TMCC1: variants seen among roughly 807,000 people sequenced by gnomAD.
TMCC1 encodes transmembrane and coiled-coil domain family 1.
TMCC1 carries 15 observed loss-of-function variants against 52.4 expected under a neutral mutation model. The ratio of observed to expected loss-of-function variants is 0.29; its 90% CI spans 0.19 to 0.44. The LOEUF is 0.44. Among genes scored for constraint, TMCC1 ranks in the 20% least tolerant of loss-of-function variants. The pLI is 1.00. For missense variants in TMCC1, 503 were observed against 806.0 expected, an observed-to-expected ratio of 0.62 and a Z score of 4.55; for synonymous variants, 279 against 301.9, an observed-to-expected ratio of 0.92 and a Z score of 0.79.
At chr3:129,757,290 T>A (rs1576708969) in intron 4 of TMCC1, among the ~76,000 whole-genome samples, 1 of 152,046 alleles carries the variant, frequency 6.6e-6, no homozygotes, top group African/African-American at 2.4e-5. Flanking sequence ...TCTCTCTTAC[T>A]CCCCTATCCT....
At chr3:129,815,117 C>A (rs1486943889) in intron 4 of TMCC1, among the ~76,000 whole-genome samples, 1 of 151,950 alleles carries the variant, frequency 6.6e-6, no homozygotes, top group Non-Finnish European at 1.5e-5. Flanking sequence ...CTTTTCATCA[C>A]CACAAGGGAA....
chr3:129,883,329 T>C (rs2061550649), intron 1 of TMCC1, among the ~76,000 whole-genome samples: 1 of 150,748 alleles, frequency 6.6e-6, no homozygotes, highest in African/African-American at 2.4e-5. Context: ...AAGGTTAAAA[T>C]GGGCCGGGTG....
chr3:129,756,338 A>G (rs568224350), intron 4 of TMCC1, among the ~76,000 whole-genome samples: 3 of 152,332 alleles, frequency 2.0e-5, no homozygotes, highest in Non-Finnish European at 4.4e-5. Flanking sequence ...TTACATTCAT[A>G]CAATGGAATA....
chr3:129,829,125 C>A (rs1402874725), intron 3 of TMCC1, among the ~76,000 whole-genome samples: 1 of 152,168 alleles, frequency 6.6e-6, no homozygotes, highest in South Asian at 2.1e-4. Context: ...AAGTTGAATT[C>A]TCTGCTGAAG....
chr3:129,696,991 T>C (rs1265805021), intron 4 of TMCC1, among the ~76,000 whole-genome samples: 1 of 152,180 alleles, frequency 6.6e-6, no homozygotes, highest in Admixed American at 6.5e-5. Context: ...TCTGCAGCTT[T>C]TCCAGGTGCA....
At chr3:129,811,587 G>C (rs908027978) in intron 4 of TMCC1, among the ~76,000 whole-genome samples, 2 of 152,126 alleles carry the variant, frequency 1.3e-5, no homozygotes, top group African/African-American at 4.8e-5. Context: ...AAGTGATCCT[G>C]AGATGGGAAT....
chr3:129,877,432 T>G (rs1485919640), intron 2 of TMCC1, among the ~76,000 whole-genome samples: 2 of 152,130 alleles, frequency 1.3e-5, no homozygotes, highest in African/African-American at 4.8e-5. Flanking sequence ...CTTCCCCAAC[T>G]CTAAACTCTG....
At chr3:129,776,833 C>T (rs1282346712) in intron 4 of TMCC1, among the ~76,000 whole-genome samples, 1 of 152,110 alleles carries the variant, frequency 6.6e-6, no homozygotes, top group East Asian at 1.9e-4. Context: ...TGGGTTCTCA[C>T]TATATTGCCC....
intron 4 of TMCC1, among the ~76,000 whole-genome samples, chr3:129,674,986 C>T (rs923191564): frequency 5.9e-5 from 9 of 152,116 alleles, no homozygotes; most frequent in Non-Finnish European, 8.8e-5. Context: ...TACAGGCGCA[C>T]GCCACCACAC....
chr3:129,781,565 A>G (rs555441892), intron 4 of TMCC1, among the ~76,000 whole-genome samples: 2 of 152,240 alleles, frequency 1.3e-5, no homozygotes, highest in South Asian at 4.1e-4. Flanking sequence ...TGTCTTCCCA[A>G]CTAGAATTTA....
At chr3:129,702,577 T>G (rs1393720150) in intron 4 of TMCC1, among the ~76,000 whole-genome samples, 2 of 152,218 alleles carry the variant, frequency 1.3e-5, no homozygotes, top group Non-Finnish European at 2.9e-5. Flanking sequence ...ATGCCATGAA[T>G]GTCAGAGGTA....
chr3:129,679,010 A>C (rs1452787532), intron 4 of TMCC1, among the ~76,000 whole-genome samples: 2 of 139,484 alleles, frequency 1.4e-5, no homozygotes, highest in Non-Finnish European at 3.2e-5. Flanking sequence ...TCAGGGTAAA[A>C]GCCAAAGTTC....
intron 4 of TMCC1, among the ~76,000 whole-genome samples, chr3:129,680,389 ATATATACTATTTTAATCTCCATTT>A (rs1305588662): frequency 2.0e-5 from 3 of 152,182 alleles, no homozygotes; most frequent in African/African-American, 7.2e-5. Context: ...AACCTAGGAG[ATATATACTATTTTAATCTCCATTT>A]TATAGCCGAA....
intron 4 of TMCC1, among the ~76,000 whole-genome samples, chr3:129,773,514 T>G (rs2403526): frequency 0.99 from 150,135 of 152,296 alleles, 74,040 homozygotes; most frequent in East Asian, 1. Flanking sequence ...AATGCTCTAT[T>G]TAATTTATAA....
chr3:129,752,385 A>T (rs1432448838), intron 4 of TMCC1, among the ~76,000 whole-genome samples: 1 of 152,220 alleles, frequency 6.6e-6, no homozygotes, highest in Non-Finnish European at 1.5e-5. Flanking sequence ...CATCATCAGA[A>T]TCAAAACCAG....
chr3:129,886,604 A>G (rs1317255525), intron 1 of TMCC1, among the ~76,000 whole-genome samples: 1 of 152,160 alleles, frequency 6.6e-6, no homozygotes, highest in Non-Finnish European at 1.5e-5. Flanking sequence ...TACTTGCTAC[A>G]ACATGGATGA....
chr3:129,755,924 C>G (rs868298026), intron 4 of TMCC1, among the ~76,000 whole-genome samples: 1 of 151,918 alleles, frequency 6.6e-6, no homozygotes, highest in African/African-American at 2.4e-5. Context: ...ATGGTGAAAC[C>G]CTGTCTCTCC....
intron 4 of TMCC1, among the ~76,000 whole-genome samples, chr3:129,784,042 A>G (rs2055764375): frequency 6.6e-6 from 1 of 152,202 alleles, no homozygotes; most frequent in African/African-American, 2.4e-5. Flanking sequence ...AGTAGAATGA[A>G]AACTGGATTA....
At chr3:129,691,189 G>T (rs922091864) in intron 4 of TMCC1, among the ~76,000 whole-genome samples, 20 of 152,220 alleles carry the variant, frequency 1.3e-4, no homozygotes, top group African/African-American at 4.8e-4. Flanking sequence ...TGTTGAATGA[G>T]ATATCAAAAC....
Sources: allele counts gnomAD v4.1 joint callset (sites outside exome capture counted in the v4.1 genomes callset), GRCh38; gene constraint gnomAD v4.1.1; transcripts MANE v1.5; gene names NCBI Gene and HGNC (gene_info 2026-07-23, HGNC 2026-07-21).